Variants in VAPB observed in about 807,000 individuals in gnomAD.
VAPB encodes vesicle-associated membrane protein-associated protein B/C.
In VAPB, 7 loss-of-function variants were observed where a neutral mutation model predicts 25.6. That is an observed-to-expected ratio of 0.27 (90% CI 0.16 to 0.51). The LOEUF (loss-of-function observed/expected upper bound fraction) is 0.51. VAPB is among the 20% of genes least tolerant of loss of function. VAPB has a pLI of 0.97. For missense variants in VAPB, 266 were observed against 301.3 expected (o/e 0.88, Z 0.87); for synonymous variants, 112 against 109.2 (o/e 1.03, Z -0.16).
intron 1 of VAPB, among the ~76,000 whole-genome samples, chr20:58,414,348 C>A (rs1354025593): frequency 2.7e-5 from 4 of 147,570 alleles, no homozygotes; most frequent in African/African-American, 1.0e-4. Flanking sequence ...CCCTCCCGGA[C>A]GGGGCGGCCG....
intron 1 of VAPB, among the ~76,000 whole-genome samples, chr20:58,413,624 C>T (rs1988437287): frequency 6.6e-6 from 1 of 151,920 alleles, no homozygotes; most frequent in African/African-American, 2.4e-5. Context: ...ACAAAGCCGC[C>T]ATTGTCATCC....
chr20:58,440,977 C>T lies in VAPB; in HGVS notation c.467C>T (p.Ser156Phe). Residue 156 changes from serine (S) to phenylalanine (F), a missense_variant, in exon 5 of 6, where the codon TCT (serine) becomes TTT (phenylalanine). By Grantham distance (155) the Ser-to-Phe change is radical. Transcript: ENST00000475243. ...ACAGAAACACCAATAGTGTCTAAGT[C>T]TCTGAGTTCTTCTTTGGATGACACC... ...SKTETPIVSK[S>F]LSSSLDDTEV... is the part of the protein sequence containing the mutation. The T allele has an allele frequency of 6.2e-7, 1 of 1,614,040 alleles. No individual in the cohort carries two copies. The highest frequency in any genetic ancestry group is 8.5e-7 in the Non-Finnish European group (1 of 1,179,986).
At position 58,448,124 on chromosome 20, in the gene VAPB, GAGA is replaced by G. The variant is rs949841074; in HGVS notation, c.*3892_*3894del. 9.7e-5 allele frequency: 44 copies of G among 453,938 alleles called. No homozygotes were observed. In the Admixed American group the frequency reaches 9.9e-4, roughly 10 times the overall value. 28.1% of individuals were successfully genotyped at this position (453,938 alleles called of 1,614,324 possible). On this transcript the variant is annotated 3_prime_UTR_variant, in exon 6 of 6. Coordinates refer to ENST00000475243, the MANE Select transcript of VAPB (RefSeq NM_004738.5). ...ACTTGGGGCCATGTTTGCTGTTGTT[GAGA>G]AGGAGTGTTCTCAAAGATGAGCTGG...
In VAPB at chr20:58,445,920, A is replaced by G. The variant is rs1434542501; in HGVS notation, c.*1685A>G. 2.2e-6 allele frequency: 1 copy of G among 454,050 alleles called. No homozygotes were observed. The highest frequency in any genetic ancestry group is 2.3e-5 in the Admixed American group (1 of 42,564). The allele number at this position is 454,050 out of a possible 1,614,324, so 28.1% of individuals were successfully genotyped here. The stretch of plus-strand genomic sequence containing the variant: ...CCACTGTGCACAGGTTTGAGAGGAC[A>G]AGTTCATCAGAAGGAAGGCAGTCCT... On this transcript the variant is annotated 3_prime_UTR_variant, in exon 6 of 6. Coordinates refer to ENST00000475243, the MANE Select transcript of VAPB (RefSeq NM_004738.5).
chr20:58,402,705 G>A (rs1357081031), intron 1 of VAPB, among the ~76,000 whole-genome samples: 1 of 152,042 alleles, frequency 6.6e-6, no homozygotes. Context: ...TTGGTGTTTA[G>A]GAGAAAGCTG....
chr20:58,392,451 C>T (rs1987829608), intron 1 of VAPB, among the ~76,000 whole-genome samples: 2 of 152,206 alleles, frequency 1.3e-5, no homozygotes, highest in South Asian at 4.1e-4. Context: ...TGGCTCATAA[C>T]TTTAGAAGAG....
rs562382895 is a variant in VAPB, at chr20:58,445,171, G to T, written c.*936G>T. 6 of 454,138 alleles carry T rather than the reference G, an allele frequency of 1.3e-5. No homozygotes were observed. The Admixed American group carries it at 1.4e-4, about 11-fold the overall frequency. The allele number at this position is 454,138 out of a possible 1,614,324, so 28.1% of individuals were successfully genotyped here. A position where few individuals can be genotyped will look rare whatever the true frequency, so the allele number is the denominator to read the frequency against. ...GGTCAGTAAATAACAACTGTCATAG[G>T]GAGGGAAATTCTCAGTAGTGACAGT... On this transcript the variant is annotated 3_prime_UTR_variant, in exon 6 of 6. Transcript: ENST00000475243.
At chr20:58,441,332 TA>T (rs555631449) in intron 5 of VAPB, among the ~76,000 whole-genome samples, 29 of 142,544 alleles carry the variant, frequency 2.0e-4, no homozygotes, top group South Asian at 1.8e-3. Context: ...CTTGTCCCCT[TA>T]AAAAAAAAAA....
At chr20:58,437,484 T>A (rs1027464343) in intron 3 of VAPB, among the ~76,000 whole-genome samples, 1 of 152,200 alleles carries the variant, frequency 6.6e-6, no homozygotes, top group Non-Finnish European at 1.5e-5. Context: ...CTCTCTCCAC[T>A]GTCATAGCAC....
chr20:58,410,863 G>A (rs1988360667), intron 1 of VAPB, among the ~76,000 whole-genome samples: 1 of 152,102 alleles, frequency 6.6e-6, no homozygotes, highest in Non-Finnish European at 1.5e-5. Context: ...GTCTTTTCAT[G>A]GCTTTATAGC....
At chr20:58,428,349 C>T (rs1988853164) in intron 2 of VAPB, among the ~76,000 whole-genome samples, 2 of 152,166 alleles carry the variant, frequency 1.3e-5, no homozygotes, top group Non-Finnish European at 2.9e-5. Flanking sequence ...TCAGCAGATA[C>T]ATTTTAAAAG....
intron 1 of VAPB, among the ~76,000 whole-genome samples, chr20:58,414,818 G>T (rs1369817831): frequency 6.6e-6 from 1 of 152,232 alleles, no homozygotes; most frequent in Admixed American, 6.5e-5. Flanking sequence ...CTTCCCAGAC[G>T]GGGTGGCGGC....
At chr20:58,401,125 T>C (rs893904188) in intron 1 of VAPB, among the ~76,000 whole-genome samples, 4 of 152,232 alleles carry the variant, frequency 2.6e-5, no homozygotes, top group African/African-American at 9.6e-5. Context: ...CTTGGTCGGC[T>C]CATTTGTATC....
chr20:58,450,594 T>C lies in VAPB; in HGVS notation c.*6359T>C, dbSNP rs1483067362. The C allele has an allele frequency of 4.4e-6, 2 of 454,026 alleles. No homozygotes were observed. Among genetic ancestry groups the C allele is most frequent in the African/African-American group, 4.0e-5 (2 of 50,012 alleles). The allele number at this position is 454,026 out of a possible 1,614,324, so 28.1% of individuals were successfully genotyped here. ...TCTATTTCAGTGTTCCTTTCGCCTT[T>C]CCTCTGCTTTCTGAATAAATGGTTT... On this transcript the variant is annotated 3_prime_UTR_variant, in exon 6 of 6. Coordinates refer to ENST00000475243, the MANE Select transcript of VAPB (RefSeq NM_004738.5).
chr20:58,432,402 AAC>A (rs1302478874), intron 2 of VAPB: 1 of 152,092 alleles, frequency 6.6e-6, no homozygotes, highest in East Asian at 1.9e-4. Context: ...CAGCTGGGAG[AAC>A]AGAGTCTCAA....
chr20:58,435,052 C>T (rs910257659), intron 3 of VAPB, among the ~76,000 whole-genome samples: 3 of 152,102 alleles, frequency 2.0e-5, no homozygotes, highest in Non-Finnish European at 4.4e-5. Flanking sequence ...TTTTCATTGT[C>T]CCGCCTTTTT....
At chr20:58,441,141 G>T in intron 5 of VAPB, 58 bp downstream of exon 5, 1 of 1,579,682 alleles carries the variant, frequency 6.3e-7, no homozygotes, top group Non-Finnish European at 8.7e-7. Flanking sequence ...CTAGCTTCTT[G>T]GGTGGGGAAG....
At chr20:58,397,531 AAAAC>A (rs1987991873) in intron 1 of VAPB, among the ~76,000 whole-genome samples, 1 of 151,882 alleles carries the variant, frequency 6.6e-6, no homozygotes, top group South Asian at 2.1e-4. Context: ...AAAAAAAAAA[AAAAC>A]AAAACACATT....
intron 2 of VAPB, among the ~76,000 whole-genome samples, chr20:58,432,734 A>C (rs1988955160): frequency 6.6e-6 from 1 of 152,128 alleles, no homozygotes; most frequent in African/African-American, 2.4e-5. Context: ...ACACATTGGG[A>C]ATTTGGCTTT....
Sources: allele counts gnomAD v4.1 joint callset (sites outside exome capture counted in the v4.1 genomes callset), GRCh38; gene constraint gnomAD v4.1.1; transcripts MANE v1.5; gene names NCBI Gene and HGNC (gene_info 2026-07-23, HGNC 2026-07-21).